GPAM: variants seen among roughly 807,000 people sequenced by gnomAD.
GPAM encodes the protein glycerol-3-phosphate acyltransferase, mitochondrial, also known as glycerol-3-phosphate acyltransferase 1, mitochondrial.
GPAM carries 56 observed loss-of-function variants against 105.0 expected under a neutral mutation model. That is an observed-to-expected ratio of 0.53 (90% confidence interval 0.43 to 0.67). The LOEUF (loss-of-function observed/expected upper bound fraction) is 0.67, where lower values mean the gene tolerates loss of function less well. Among genes scored for constraint, GPAM ranks in the 30% least tolerant of loss-of-function variants. GPAM has a pLI of 0.00. For synonymous variants in GPAM, 368 were observed against 354.4 expected, an observed-to-expected ratio of 1.04 and a Z score of -0.43; for missense variants, 855 against 989.8, an observed-to-expected ratio of 0.86 and a Z score of 1.83.
rs947151117 is a variant in GPAM at position 112,151,110 on chromosome 10, ATT to A, written c.*2438_*2439del. ...AGACTGCAGTTTCATGTTGTTTAATATTGTTTTTTTTTTTTAACTTGACCACA... is the reference window on the plus strand; with the variant it reads ...AGACTGCAGTTTCATGTTGTTTAATAGTTTTTTTTTTTTAACTTGACCACA... On this transcript the variant is annotated 3_prime_UTR_variant, in exon 22 of 22. Transcript: ENST00000348367. 3.1e-6 allele frequency: 3 copies of A among 971,420 alleles called. No individual in the cohort carries two copies. The African/African-American group carries it at 5.4e-5, about 17-fold the overall frequency. The allele number at this position is 971,420 out of a possible 1,614,324, so 60.2% of individuals were successfully genotyped here.
chr10:112,164,513 T>C lies in GPAM; in HGVS notation c.1307+12A>G. 1 of 1,392,140 alleles carries C rather than the reference T, an allele frequency of 7.2e-7. No homozygotes were observed. The highest frequency in any genetic ancestry group is 1.0e-6 in the Non-Finnish European group (1 of 977,478). The allele number at this position is 1,392,140 out of a possible 1,614,324, so 86.2% of individuals were successfully genotyped here. On this transcript the variant is annotated intron_variant, in intron 13 of 21. Transcript: ENST00000348367. ...TAGCTTGATTAGCATTAAACAATTC[T>C]ACAAATTTTACCTTGAAGGAAGTAT... is the stretch of plus-strand genomic sequence containing the variant.
At chr10:112,187,895 G>C (rs1454527139), upstream of GPAM, among the ~76,000 whole-genome samples, 1 of 151,946 alleles carries the variant, frequency 6.6e-6, no homozygotes, top group Non-Finnish European at 1.5e-5. Context: ...TAACTTAAAG[G>C]TATTTGGAAA....
chr10:112,178,803 C>G (rs945447275), intron 4 of GPAM, among the ~76,000 whole-genome samples: 1 of 152,040 alleles, frequency 6.6e-6, no homozygotes, highest in Non-Finnish European at 1.5e-5. Flanking sequence ...AAACTAAGAC[C>G]GGGAGAGGTT....
chr10:112,198,065 C>T (rs1770786778), intron 1 of GPAM, among the ~76,000 whole-genome samples: 1 of 152,160 alleles, frequency 6.6e-6, no homozygotes. Flanking sequence ...TCTCTCTGTG[C>T]CTCATTTTCC....
chr10:112,199,568 G>A (rs1847768193), intron 1 of GPAM, among the ~76,000 whole-genome samples: 1 of 152,264 alleles, frequency 6.6e-6, no homozygotes, highest in Non-Finnish European at 1.5e-5. Context: ...AAGTATGTGA[G>A]GTGGTGAATA....
chr10:112,150,088 C>T lies in GPAM; in HGVS notation c.*3462G>A, dbSNP rs922632684. The T allele has an allele frequency of 1.8e-5, 18 of 984,294 alleles. No homozygotes were observed. In the East Asian group the frequency reaches 3.4e-4, roughly 19 times the overall value. 61.0% of individuals were successfully genotyped at this position (984,294 alleles called of 1,614,324 possible). On this transcript the variant is annotated 3_prime_UTR_variant, in exon 22 of 22. Transcript: ENST00000348367. ...CATCAAGACATTTCAGAGCTCTAGA[C>T]GTTTAGAAATAAGGTCAAGAATCTC...
chr10:112,161,770 C>T (rs769881621), intron 14 of GPAM, 33 bp from the exon 15 acceptor site: 3 of 1,562,510 alleles, frequency 1.9e-6, no homozygotes, highest in Non-Finnish European at 2.6e-6. Flanking sequence ...TTTTTAGTTG[C>T]ACTTTTTACA....
chr10:112,168,980 T>A, intron 9 of GPAM, 28 bp from the exon 10 acceptor site: 1 of 1,346,108 alleles, frequency 7.4e-7, no homozygotes, highest in Non-Finnish European at 1.1e-6. Flanking sequence ...ATGAATTATT[T>A]ACAAAGAAAA....
At chr10:112,189,332 A>G (rs574222194) in intron 1 of GPAM, among the ~76,000 whole-genome samples, 1 of 152,198 alleles carries the variant, frequency 6.6e-6, no homozygotes, top group Non-Finnish European at 1.5e-5. Context: ...TAGAGACAGC[A>G]TTGAACAAGA....
intron 16 of GPAM, 170 bp downstream of exon 16, chr10:112,160,434 T>C (rs1243599818): frequency 1.4e-6 from 1 of 735,688 alleles, no homozygotes; most frequent in Non-Finnish European, 1.7e-6. Context: ...TAACTACTCA[T>C]TGTAAACAGT....
chr10:112,158,943 C>A (rs1050647691), intron 17 of GPAM, among the ~76,000 whole-genome samples: 5 of 152,298 alleles, frequency 3.3e-5, no homozygotes, highest in Non-Finnish European at 5.9e-5. Context: ...ACACCTCACA[C>A]AAAGCATGGC....
chr10:112,173,069 G>A lies in GPAM; in HGVS notation c.561-3C>T, dbSNP rs1161026408. 2 of 1,547,534 alleles carry A rather than the reference G, an allele frequency of 1.3e-6. No individual in the cohort carries two copies. Among genetic ancestry groups the A allele is most frequent in the Admixed American group, 3.3e-5 (2 of 59,918 alleles). ...TTAGCAGCACCCACCCAGTCAGTCTGAAACAAAGTACAAACAAAAAAAACA... is the reference window on the plus strand; with the variant it reads ...TTAGCAGCACCCACCCAGTCAGTCTAAAACAAAGTACAAACAAAAAAAACA... On this transcript the variant is annotated splice_region_variant and splice_polypyrimidine_tract_variant and intron_variant, in intron 7 of 21. Transcript: ENST00000348367.
intron 17 of GPAM, among the ~76,000 whole-genome samples, chr10:112,158,762 T>TATA (rs1264120491): frequency 2.0e-5 from 3 of 152,202 alleles, no homozygotes; most frequent in East Asian, 3.8e-4. Flanking sequence ...ATAGTTATCT[T>TATA]ATAATAAATA....
chr10:112,152,285 A>G lies in GPAM; in HGVS notation c.*1265T>C, dbSNP rs1846933400. The G allele has an allele frequency of 1.0e-6, 1 of 982,826 alleles. No individual in the cohort carries two copies. The highest frequency in any genetic ancestry group is 1.7e-5 in the African/African-American group (1 of 57,200). The allele number at this position is 982,826 out of a possible 1,614,324, so 60.9% of individuals were successfully genotyped here. Reference sequence around the variant, plus strand: ...AAAAAATCACCATAATTACCATAATAAACCAATAATTATGCTCCCTGCTCA... The same window carrying G: ...AAAAAATCACCATAATTACCATAATGAACCAATAATTATGCTCCCTGCTCA... On this transcript the variant is annotated 3_prime_UTR_variant, in exon 22 of 22. Transcript: ENST00000348367.
rs367762052 is a variant in GPAM at position 112,158,289 on chromosome 10, C to A, written c.1980+27G>T. ...AGGGAATGAAGAGTAAGTATAAAGA[C>A]AAATAAAGGAAAGCTCTACCTCTTA... On this transcript the variant is annotated intron_variant, in intron 18 of 21. Transcript: ENST00000348367. The A allele has an allele frequency of 1.3e-5, 17 of 1,295,428 alleles. No homozygotes were observed. In the East Asian group the frequency reaches 3.9e-4, roughly 30 times the overall value. 80.2% of individuals were successfully genotyped at this position (1,295,428 alleles called of 1,614,324 possible). A position where few individuals can be genotyped will look rare whatever the true frequency, so the allele number is the denominator to read the frequency against.
At chr10:112,220,734 G>A in the GPAM span, among the ~76,000 whole-genome samples, 1 of 151,960 alleles carries the variant, frequency 6.6e-6, no homozygotes, top group Non-Finnish European at 1.5e-5. Context: ...GAGAAGATTT[G>A]TGGAAACTTC....
At position 112,203,061 on chromosome 10, in the gene GPAM, G is replaced by A. The variant is rs149145240; in HGVS notation, n.210+12107C>T. ...GACGGTGTGTAAGCAATGGGTTAGT[G>A]TGAGCTGGAGTGTAGAGGACAGGCC... On this transcript the variant is annotated intron_variant and non_coding_transcript_variant, in intron 1 of 3. Coordinates refer to the GPAM transcript ENST00000480130. Among the ~76,000 whole-genome samples, 1,171 of 152,274 alleles carry A rather than the reference G, an allele frequency of 7.7e-3. 4 individuals are homozygous for A. The highest frequency in any genetic ancestry group is 0.012 in the Admixed American group (177 of 15,290).
At chr10:112,176,982 A>G (rs533432533) in intron 5 of GPAM, among the ~76,000 whole-genome samples, 3 of 152,286 alleles carry the variant, frequency 2.0e-5, no homozygotes, top group Non-Finnish European at 2.9e-5. Flanking sequence ...TATATAAAAT[A>G]TCTACTTACA....
chr10:112,165,878 G>A (rs1370135178), intron 12 of GPAM, among the ~76,000 whole-genome samples: 2 of 151,672 alleles, frequency 1.3e-5, no homozygotes, highest in Non-Finnish European at 2.9e-5. Context: ...GACTTTTGGG[G>A]TTAATTGATA....
Sources: allele counts gnomAD v4.1 joint callset (sites outside exome capture counted in the v4.1 genomes callset), GRCh38; gene constraint gnomAD v4.1.1; transcripts MANE v1.5; gene names NCBI Gene and HGNC (gene_info 2026-07-23, HGNC 2026-07-21).